The following CFTR variants were observed in gnomAD, a reference collection of about 807,000 sequenced individuals.
CFTR encodes cystic fibrosis transmembrane conductance regulator.
In CFTR, 181 loss-of-function variants were observed where a neutral mutation model predicts 171.6. The ratio of observed to expected loss-of-function variants is 1.05; its 90% confidence interval spans 0.93 to 1.19. The LOEUF (loss-of-function observed/expected upper bound fraction) is 1.19, where lower values mean the gene tolerates loss of function less well. Ranked by LOEUF, CFTR falls within the 50% of genes most tolerant of loss-of-function variation. The pLI is 0.00. For missense variants in CFTR, 1,968 were observed against 1,734.7 expected (o/e 1.13, Z -2.39); for synonymous variants, 583 against 608.0 (o/e 0.96, Z 0.60).
At chr7:117,526,026 G>T (rs1246112597) in intron 3 of CFTR, among the ~76,000 whole-genome samples, 4 of 149,772 alleles carry the variant, frequency 2.7e-5, no homozygotes, top group Non-Finnish European at 4.4e-5. Flanking sequence ...GGTACTGGTT[G>T]TTCCTTTCCA....
intron 23 of CFTR, among the ~76,000 whole-genome samples, chr7:117,646,112 C>T (rs766900915): frequency 2.2e-4 from 34 of 152,032 alleles, no homozygotes; most frequent in Admixed American, 6.6e-4. Context: ...TTTCTCTGTG[C>T]CTCTGTTTTC....
chr7:117,505,767 G>T (rs1445777983), intron 2 of CFTR, among the ~76,000 whole-genome samples: 1 of 152,166 alleles, frequency 6.6e-6, no homozygotes, highest in Non-Finnish European at 1.5e-5. Context: ...TTGCACCAAA[G>T]TAAAAACATT....
At chr7:117,591,232 A>C (rs1792018912) in intron 13 of CFTR, among the ~76,000 whole-genome samples, 1 of 152,126 alleles carries the variant, frequency 6.6e-6, no homozygotes, top group Non-Finnish European at 1.5e-5. Context: ...CTATCAATAT[A>C]AACTTTACTA....
chr7:117,596,235 T>C (rs1476523463), intron 15 of CFTR, among the ~76,000 whole-genome samples: 1 of 152,134 alleles, frequency 6.6e-6, no homozygotes. Flanking sequence ...GGCCCCGCAC[T>C]CGGAGCAGCC....
chr7:117,552,171 C>A (rs1006233773), intron 10 of CFTR, among the ~76,000 whole-genome samples: 15 of 151,844 alleles, frequency 9.9e-5, no homozygotes, highest in Non-Finnish European at 1.6e-4. Flanking sequence ...CTCTGTCACC[C>A]AGGCTGAACT....
intron 10 of CFTR, among the ~76,000 whole-genome samples, chr7:117,558,039 T>A (rs967995651): frequency 6.6e-6 from 1 of 152,196 alleles, no homozygotes; most frequent in East Asian, 1.9e-4. Flanking sequence ...ACTCACATAG[T>A]TGTGCAACTA....
At chr7:117,518,673 C>T (rs909411414) in intron 3 of CFTR, among the ~76,000 whole-genome samples, 1 of 150,890 alleles carries the variant, frequency 6.6e-6, no homozygotes, top group African/African-American at 2.4e-5. Context: ...TCAAGTGATC[C>T]TACTGCTTTG....
In CFTR at chr7:117,652,932, G is replaced by T; in HGVS notation, c.3963+1G>T. ...AGAAATATGGAAAGTTGCAGATGAG[G>T]TAAGGCTGCTAACTGAAATGATTTT... On this transcript the variant is annotated splice_donor_variant, in intron 24 of 26. Transcript: ENST00000003084. LOFTEE classifies it high-confidence loss of function. The T allele has an allele frequency of 6.3e-7, 1 of 1,576,888 alleles. No homozygotes were observed. Among genetic ancestry groups the T allele is most frequent in the Non-Finnish European group, 8.7e-7 (1 of 1,147,514 alleles).
At chr7:117,632,377 A>G (rs1792760347) in intron 22 of CFTR, among the ~76,000 whole-genome samples, 1 of 152,026 alleles carries the variant, frequency 6.6e-6, no homozygotes, top group Admixed American at 6.6e-5. Context: ...AAGCCTGGGC[A>G]ACATGGCAAA....
chr7:117,595,367 A>C (rs1020093426), intron 15 of CFTR, among the ~76,000 whole-genome samples: 1 of 150,540 alleles, frequency 6.6e-6, no homozygotes, highest in Non-Finnish European at 1.5e-5. Context: ...CAAATATAAG[A>C]AGAGTTTTTA....
At chr7:117,622,765 C>CT (rs1792602315) in intron 21 of CFTR, among the ~76,000 whole-genome samples, 1 of 152,106 alleles carries the variant, frequency 6.6e-6, no homozygotes, top group African/African-American at 2.4e-5. Context: ...AGGAGTCTGG[C>CT]TTCTTGACTT....
chr7:117,572,608 A>G (rs936102859), intron 11 of CFTR, among the ~76,000 whole-genome samples: 13 of 151,394 alleles, frequency 8.6e-5, no homozygotes, highest in Admixed American at 7.2e-4. Context: ...TCTTTATAAT[A>G]CTCTTGGCTC....
Position 117,617,174 on chromosome 7 carries a change from G to T in CFTR, c.3468+2461G>T, listed in dbSNP as rs1322942149. The stretch of plus-strand genomic sequence containing the variant: ...TGCTTTTAGTCTTTCAGAAAAAAAT[G>T]TTTATACTTGGAAAGAATAGTTTAT... On this transcript the variant is annotated intron_variant, in intron 21 of 26. Transcript: ENST00000003084. Among the ~76,000 whole-genome samples the T allele has an allele frequency of 2.0e-5, 3 of 151,960 alleles. No individual in the cohort carries two copies. The East Asian group carries it at 5.8e-4, about 29-fold the overall frequency.
At chr7:117,642,622 G>A (rs757672766) in intron 23 of CFTR, 29 bp downstream of exon 23, 1 of 1,609,956 alleles carries the variant, frequency 6.2e-7, no homozygotes, top group Non-Finnish European at 8.5e-7. Context: ...CCAGAAAAAA[G>A]GCAACTAAAT....
chr7:117,538,087 G>A (rs527779746), intron 7 of CFTR, among the ~76,000 whole-genome samples: 43 of 152,208 alleles, frequency 2.8e-4, no homozygotes, highest in African/African-American at 8.7e-4. Flanking sequence ...GATATATAGC[G>A]AATGTTTGGT....
rs2116031296 is a variant in CFTR at position 117,592,172 on chromosome 7, T to C, written c.2005T>C (p.Phe669Leu). The C allele has an allele frequency of 6.2e-7, 1 of 1,613,968 alleles. No homozygotes were observed. Among genetic ancestry groups the C allele is most frequent in the Non-Finnish European group, 8.5e-7 (1 of 1,180,028 alleles). The change falls in exon 14 of 27, where the codon TTC (phenylalanine) becomes CTC (leucine). Residue 669 changes from phenylalanine to leucine, a missense_variant. Coordinates refer to ENST00000003084, the MANE Select transcript of CFTR (RefSeq NM_000492.4). ...NSILTETLHR[F>L]SLEGDAPVSW... is the part of the protein sequence containing the mutation. ...AATCCTAACTGAGACCTTACACCGT[T>C]TCTCATTAGAAGGAGATGCTCCTGT...
In CFTR at chr7:117,523,381, G is replaced by T. The variant is rs1369731498; in HGVS notation, c.274-7518G>T. Among the ~76,000 whole-genome samples the T allele has an allele frequency of 4.2e-3, 593 of 142,614 alleles. 4 individuals carry two copies. Among genetic ancestry groups the T allele is most frequent in the African/African-American group, 0.012 (457 of 38,876 alleles). 93.6% of individuals were successfully genotyped at this position (142,614 alleles called of 152,430 possible). Reference sequence around the variant, plus strand: ...GAATTTTTGTTTTGTTTTGTTTTTTGTTTTTTTTTTTTTGAGACAGAGTCT... The same window carrying T: ...GAATTTTTGTTTTGTTTTGTTTTTTTTTTTTTTTTTTTTGAGACAGAGTCT... On this transcript the variant is annotated intron_variant, in intron 3 of 26. Coordinates refer to ENST00000003084, the MANE Select transcript of CFTR (RefSeq NM_000492.4).
chr7:117,493,725 C>G (rs1798197603), intron 1 of CFTR, among the ~76,000 whole-genome samples: 1 of 152,124 alleles, frequency 6.6e-6, no homozygotes, highest in African/African-American at 2.4e-5. Flanking sequence ...CTAACTTTCC[C>G]TTTTAATTTG....
intron 14 of CFTR, 141 bp downstream of exon 14, chr7:117,592,798 T>C (rs1033718260): frequency 1.8e-5 from 11 of 624,108 alleles, no homozygotes; most frequent in Middle Eastern, 3.9e-4. Context: ...TGAAGTTCAT[T>C]AATTATACAA....
Sources: gnomAD v4.1 joint callset for allele counts (sites outside exome capture counted in the v4.1 genomes callset) on GRCh38, gnomAD v4.1.1 for gene constraint, MANE v1.5 for transcripts, NCBI Gene and HGNC (gene_info 2026-07-23, HGNC 2026-07-21) for gene names.